The following PRR16 variants were observed in gnomAD, a reference collection of about 807,000 sequenced individuals.
PRR16 encodes the protein protein Largen.
A neutral mutation model predicts 18.2 loss-of-function variants in PRR16; 6 were observed. The ratio of observed to expected loss-of-function variants is 0.33; its 90% CI spans 0.18 to 0.65. PRR16 has a LOEUF of 0.65. Ranked by LOEUF, PRR16 falls within the 30% of genes least tolerant of loss-of-function variation. The probability of loss-of-function intolerance (pLI) is 0.74; values close to 1 mark genes in which losing one functional copy is unlikely to be tolerated. For synonymous variants in PRR16, 151 were observed against 147.8 expected, an observed-to-expected ratio of 1.02 and a Z score of -0.16; for missense variants, 412 against 376.6, an observed-to-expected ratio of 1.09 and a Z score of -0.78.
intron 1 of PRR16, among the ~76,000 whole-genome samples, chr5:120,564,484 ACATG>A (rs1459170382): frequency 1.4e-5 from 2 of 138,566 alleles, no homozygotes; most frequent in African/African-American, 5.3e-5. Flanking sequence ...AATGCTCCCT[ACATG>A]CAAGGGCGCT....
intron 1 of PRR16, among the ~76,000 whole-genome samples, chr5:120,476,136 A>T (rs1749434438): frequency 6.6e-6 from 1 of 152,096 alleles, no homozygotes; most frequent in Non-Finnish European, 1.5e-5. Context: ...TTCTCTAAAC[A>T]CTGCCAGATT....
At chr5:120,499,723 C>T (rs990623725) in intron 1 of PRR16, among the ~76,000 whole-genome samples, 2 of 149,894 alleles carry the variant, frequency 1.3e-5, no homozygotes, top group East Asian at 1.9e-4. Context: ...GCTTTAAAAC[C>T]TTTGACACCT....
chr5:120,495,843 TA>T (rs1395658635), intron 1 of PRR16, among the ~76,000 whole-genome samples: 1 of 152,090 alleles, frequency 6.6e-6, no homozygotes, highest in African/African-American at 2.4e-5. Flanking sequence ...ATATGTTCAA[TA>T]AGAGTGGTGA....
At chr5:120,707,965 T>C in the PRR16 span, among the ~76,000 whole-genome samples, 20 of 152,244 alleles carry the variant, frequency 1.3e-4, no homozygotes, top group African/African-American at 3.4e-4. Flanking sequence ...TTCATCTCAA[T>C]TAGTTACTGT....
At chr5:120,737,928 T>C in the PRR16 span, among the ~76,000 whole-genome samples, 1 of 152,106 alleles carries the variant, frequency 6.6e-6, no homozygotes, top group Admixed American at 6.6e-5. Flanking sequence ...ATTCTATTAC[T>C]TGTCCCTAGA....
chr5:120,693,799 T>G, the PRR16 span, among the ~76,000 whole-genome samples: 2 of 152,216 alleles, frequency 1.3e-5, no homozygotes, highest in East Asian at 1.9e-4. Context: ...TTACTCAAAC[T>G]TCAATTCTTT....
chr5:120,617,414 C>T (rs995765298), intron 1 of PRR16, among the ~76,000 whole-genome samples: 1 of 152,148 alleles, frequency 6.6e-6, no homozygotes, highest in South Asian at 2.1e-4. Flanking sequence ...GTCATATCTT[C>T]AGTCTGTGTT....
intron 1 of PRR16, among the ~76,000 whole-genome samples, chr5:120,571,866 T>G (rs1171457256): frequency 1.3e-5 from 2 of 152,168 alleles, no homozygotes; most frequent in African/African-American, 4.8e-5. Flanking sequence ...AGCTGATGGC[T>G]TGTCTATAGG....
intron 1 of PRR16, among the ~76,000 whole-genome samples, chr5:120,667,076 A>G: frequency 6.6e-6 from 1 of 151,944 alleles, no homozygotes; most frequent in East Asian, 1.9e-4. Flanking sequence ...TCGGCTGTGA[A>G]TCCATCTGGT....
At chr5:120,572,994 G>C (rs1278924445) in intron 1 of PRR16, among the ~76,000 whole-genome samples, 1 of 152,124 alleles carries the variant, frequency 6.6e-6, no homozygotes, top group African/African-American at 2.4e-5. Context: ...AATGTGAGGA[G>C]AGCAAGTGGA....
the PRR16 span, among the ~76,000 whole-genome samples, chr5:120,787,040 T>A: frequency 6.6e-6 from 1 of 152,150 alleles, no homozygotes; most frequent in African/African-American, 2.4e-5. Flanking sequence ...CCCGTTGATA[T>A]GAAGAATGGG....
the PRR16 span, among the ~76,000 whole-genome samples, chr5:120,741,418 A>C: frequency 6.6e-6 from 1 of 152,098 alleles, no homozygotes; most frequent in African/African-American, 2.4e-5. Flanking sequence ...ATAAACAAGG[A>C]AAGTTTTATT....
chr5:120,579,202 G>A (rs1753179300), intron 1 of PRR16, among the ~76,000 whole-genome samples: 2 of 152,048 alleles, frequency 1.3e-5, no homozygotes, highest in Admixed American at 1.3e-4. Flanking sequence ...TCTGTAGGTT[G>A]CTTGTTCACT....
chr5:120,701,452 G>A, the PRR16 span, among the ~76,000 whole-genome samples: 1 of 152,148 alleles, frequency 6.6e-6, no homozygotes, highest in African/African-American at 2.4e-5. Flanking sequence ...AGAAAAAGGA[G>A]CATTAACCTT....
intron 1 of PRR16, chr5:120,481,201 G>T: frequency 1.3e-6 from 1 of 791,418 alleles, no homozygotes; most frequent in South Asian, 1.4e-5. Flanking sequence ...AGGCTAGAGT[G>T]CAATGGCACA....
chr5:120,794,455 A>T, the PRR16 span, among the ~76,000 whole-genome samples: 4 of 152,100 alleles, frequency 2.6e-5, no homozygotes, highest in African/African-American at 9.7e-5. Context: ...TAGTATATTG[A>T]TATTCATATT....
chr5:120,592,256 A>T (rs1238753177), intron 1 of PRR16, among the ~76,000 whole-genome samples: 2 of 152,186 alleles, frequency 1.3e-5, no homozygotes, highest in East Asian at 3.9e-4. Context: ...TCAGATTAAA[A>T]TACTCGACTT....
the PRR16 span, among the ~76,000 whole-genome samples, chr5:120,794,267 C>T: frequency 6.6e-6 from 1 of 152,038 alleles, no homozygotes; most frequent in Non-Finnish European, 1.5e-5. Context: ...AATCATGACT[C>T]ATATTATTGT....
At chr5:120,757,287 T>A in the PRR16 span, among the ~76,000 whole-genome samples, 1 of 152,046 alleles carries the variant, frequency 6.6e-6, no homozygotes, top group African/African-American at 2.4e-5. Flanking sequence ...ATAGAATTTC[T>A]TTGGCTATGC....
Sources: allele counts gnomAD v4.1 joint callset (sites outside exome capture counted in the v4.1 genomes callset), GRCh38; gene constraint gnomAD v4.1.1; transcripts MANE v1.5; gene names NCBI Gene and HGNC (gene_info 2026-07-23, HGNC 2026-07-21).